RNF213: variants seen among roughly 807,000 people sequenced by gnomAD.
RNF213 encodes ring finger protein 213.
In RNF213, 341 loss-of-function variants were observed where a neutral mutation model predicts 514.4. The ratio of observed to expected loss-of-function variants is 0.66; its 90% CI spans 0.61 to 0.73. The LOEUF is 0.73. Among genes scored for constraint, RNF213 ranks in the 30% least tolerant of loss-of-function variants. The pLI is 0.00. For synonymous variants in RNF213, 2,655 were observed against 2,658.2 expected, an observed-to-expected ratio of 1.00 and a Z score of 0.04; for missense variants, 5,767 against 6,615.6, an observed-to-expected ratio of 0.87 and a Z score of 4.45.
At chr17:80,375,979 G>A (rs191412255) in intron 51 of RNF213, 109 bp downstream of exon 51, 2 of 902,188 alleles carry the variant, frequency 2.2e-6, no homozygotes, top group Admixed American at 1.9e-5. Context: ...TTTTATCTAG[G>A]ATAGAGGTTC....
chr17:80,317,222 C>T lies in RNF213; in HGVS notation c.2846C>T (p.Ala949Val), dbSNP rs370653889. 76 of 1,612,774 alleles carry T rather than the reference C, an allele frequency of 4.7e-5. No homozygotes were observed. The African/African-American group carries it at 6.4e-4, about 14-fold the overall frequency. ...CGGCTGGTGGAAATCCAATTCCCCG[C>T]GGAGCATGGCTGGAAGGAGTCGTTG... is the stretch of plus-strand genomic sequence containing the variant. ...WRRLVEIQFP[A>V]EHGWKESLLG... is the part of the protein sequence containing the mutation. The change falls in exon 16 of 68, where the codon GCG becomes GTG. Residue 949 changes from alanine (A) to valine (V), a missense_variant. Physicochemically the swap from Ala to Val is moderately conservative, Grantham distance 64. Around this residue, in one of 13 missense-constraint regions of RNF213, gnomAD observed 592 missense variants for 673.9 expected, o/e 0.88. Transcript: ENST00000582970. The surrounding 1 kb of genome is among the most constrained non-coding windows in gnomAD (Gnocchi z 4.1).
intron 11 of RNF213, among the ~76,000 whole-genome samples, chr17:80,301,982 A>G (rs1014255574): frequency 6.6e-6 from 1 of 152,236 alleles, no homozygotes; most frequent in African/African-American, 2.4e-5. Context: ...CTTTCGCAGC[A>G]ACATGGACAA....
chr17:80,391,760 C>CTTTTTTT lies in RNF213; in HGVS notation c.15471-1563_15471-1557dup, dbSNP rs779136667. On this transcript the variant is annotated intron_variant, in intron 67 of 67. Transcript: ENST00000582970. ...CCTTATCCCAGGATTATAAACTAGC[C>CTTTTTTT]TTTTTTTTTTTTTTTTTTTTTTTTT... Among the ~76,000 whole-genome samples the CTTTTTTT allele has an allele frequency of 5.6e-5, 5 of 88,632 alleles. 1 individual carries two copies. Among genetic ancestry groups the CTTTTTTT allele is most frequent in the Admixed American group, 2.6e-4 (2 of 7,780 alleles). 58.1% of individuals were successfully genotyped at this position (88,632 alleles called of 152,430 possible).
In RNF213 at chr17:80,334,210, G is replaced by A; in HGVS notation, c.4249G>A (p.Gly1417Arg). 1 of 1,537,258 alleles carries A rather than the reference G, an allele frequency of 6.5e-7. No individual in the cohort carries two copies. The highest frequency in any genetic ancestry group is 8.7e-7 in the Non-Finnish European group (1 of 1,146,910). The change falls in exon 22 of 68, where the codon GGG becomes AGG. Residue 1417 changes from glycine (G) to arginine (R), a missense_variant. Around this residue, in one of 13 missense-constraint regions of RNF213, gnomAD observed 516 missense variants for 566.5 expected, o/e 0.91. Coordinates refer to ENST00000582970, the MANE Select transcript of RNF213 (RefSeq NM_001256071.3). ...GGACATCAGCGAGGCCCGGTGCAAG[G>A]GGCTGCAGGCTCTGTCCCTGAGAAA... The part of the protein sequence containing the change: ...LQDISEARCK[G>R]LQALSLRKEF...
chr17:80,290,404 TGTGTG>T (rs2044660617), intron 6 of RNF213, among the ~76,000 whole-genome samples, 161 bp from the exon 7 acceptor site: 1 of 137,808 alleles, frequency 7.3e-6, no homozygotes, highest in Admixed American at 6.9e-5. Context: ...TACGTGTGCT[TGTGTG>T]TGTGCGTGTG....
intron 14 of RNF213, among the ~76,000 whole-genome samples, chr17:80,312,301 G>A (rs983252753): frequency 2.6e-5 from 4 of 152,176 alleles, no homozygotes; most frequent in Admixed American, 6.5e-5. Context: ...GAAGGCAGGG[G>A]AGAGAAGGGA....
At chr17:80,316,441 C>G (rs1259963603) in intron 15 of RNF213, 2 of 152,276 alleles carry the variant, frequency 1.3e-5, no homozygotes, top group Admixed American at 6.6e-5. Flanking sequence ...AAAAAATGAC[C>G]AGGGAACTCT....
At chr17:80,265,791 C>T (rs913152700) in intron 2 of RNF213, among the ~76,000 whole-genome samples, 2 of 152,154 alleles carry the variant, frequency 1.3e-5, no homozygotes, top group African/African-American at 2.4e-5. Context: ...GCACTTAAGC[C>T]GGATGCCGTG....
intron 3 of RNF213, among the ~76,000 whole-genome samples, chr17:80,282,699 A>G (rs11150854): frequency 0.35 from 52,280 of 147,944 alleles, 9,862 homozygotes; most frequent in Non-Finnish European, 0.44. Flanking sequence ...CACCCGGCCT[A>G]TTATTACTAT....
chr17:80,384,172 G>A (rs1379001792), intron 59 of RNF213, among the ~76,000 whole-genome samples: 7 of 151,708 alleles, frequency 4.6e-5, no homozygotes, highest in Non-Finnish European at 1.0e-4. Flanking sequence ...AGTGACCTGT[G>A]GGGAAGCTGG....
intron 56 of RNF213, 69 bp downstream of exon 56, chr17:80,381,056 T>A: frequency 6.6e-7 from 1 of 1,520,250 alleles, no homozygotes; most frequent in Admixed American, 1.7e-5. Flanking sequence ...CAGGGAGTCC[T>A]TTTGTCTTGA....
chr17:80,389,135 A>G, intron 64 of RNF213, 38 bp from the exon 65 acceptor site: 1 of 1,600,960 alleles, frequency 6.2e-7, no homozygotes, highest in African/African-American at 1.3e-5. Context: ...CCAGAAACCC[A>G]GCCCACAGAC....
chr17:80,370,079 G>C (rs924264471), intron 46 of RNF213, among the ~76,000 whole-genome samples: 2 of 152,154 alleles, frequency 1.3e-5, no homozygotes, highest in African/African-American at 2.4e-5. Context: ...ACAAGCACAC[G>C]CATCTAGCAA....
chr17:80,372,849 C>A, intron 48 of RNF213, 115 bp downstream of exon 48: 1 of 1,352,948 alleles, frequency 7.4e-7, no homozygotes, highest in East Asian at 2.5e-5. Context: ...TTCTACATCC[C>A]CTCTCCCCTG....
chr17:80,292,830 G>A (rs1297332651), intron 8 of RNF213, among the ~76,000 whole-genome samples: 1 of 152,034 alleles, frequency 6.6e-6, no homozygotes, highest in Non-Finnish European at 1.5e-5. Flanking sequence ...GAAACTCAAG[G>A]AAGTGAGCTG....
chr17:80,325,044 CCTT>C lies in RNF213; in HGVS notation c.3041_3043del (p.Leu1014del). On this transcript the variant is annotated inframe_deletion, in exon 18 of 68. Transcript: ENST00000582970. ...TTTTCTTGTAGTCTCAGACCAGTAT[CCTT>C]CAGGGGTTCTCTTACTCTGATTTGC... 6.5e-7 allele frequency: 1 copy of C among 1,537,136 alleles called. No individual in the cohort carries two copies. Among genetic ancestry groups the C allele is most frequent in the Non-Finnish European group, 8.7e-7 (1 of 1,146,856 alleles).
chr17:80,350,499 T>C (rs920715027), intron 31 of RNF213, 103 bp downstream of exon 31: 1 of 732,668 alleles, frequency 1.4e-6, no homozygotes, highest in South Asian at 1.5e-5. Context: ...ATAATCAGTA[T>C]AGAAATAAAA....
rs763735720 is a variant in RNF213, at chr17:80,380,849, G to A, written c.13659G>A (p.Thr4553=). Residue 4553 remains threonine, a synonymous_variant, in exon 56 of 68, where the codon ACG becomes ACA. Coordinates refer to ENST00000582970, the MANE Select transcript of RNF213 (RefSeq NM_001256071.3). The stretch of plus-strand genomic sequence containing the variant: ...TTTCCAGAGACAAGGCAGACAGAAC[G>A]CAGACCGGCCACGTGCTGGGCAACC... ...FHLVKDKADR[T]QTGHVLGNPQ... 18 of 1,614,076 alleles carry A rather than the reference G, an allele frequency of 1.1e-5. No homozygotes were observed. The highest frequency in any genetic ancestry group is 2.2e-5 in the East Asian group (1 of 44,892).
chr17:80,390,340 T>C (rs1642721690), intron 67 of RNF213, 144 bp downstream of exon 67: 1 of 920,664 alleles, frequency 1.1e-6, no homozygotes, highest in Admixed American at 2.4e-5. Flanking sequence ...ACCTGAGGAC[T>C]GGCTTTTTGG....
Sources: allele counts gnomAD v4.1 joint callset (sites outside exome capture counted in the v4.1 genomes callset), GRCh38; gene constraint gnomAD v4.1.1; regional missense constraint gnomAD v4.1.1; non-coding constraint Gnocchi (gnomAD v3.1); transcripts MANE v1.5; gene names NCBI Gene and HGNC (gene_info 2026-07-23, HGNC 2026-07-21).